Variants in TMEM132D observed in about 807,000 individuals in gnomAD.
TMEM132D encodes the protein mature OL transmembrane protein.
TMEM132D carries 21 observed loss-of-function variants against 62.3 expected under a neutral mutation model. The ratio of observed to expected loss-of-function variants is 0.34; its 90% CI spans 0.24 to 0.49. TMEM132D has a LOEUF of 0.49. TMEM132D is among the 20% of genes least tolerant of loss of function. The pLI is 0.99. For missense variants in TMEM132D, 1,346 were observed against 1,402.8 expected (o/e 0.96, Z 0.65); for synonymous variants, 621 against 575.6 (o/e 1.08, Z -1.13).
chr12:129,561,899 A>G (rs1042082054), intron 2 of TMEM132D, among the ~76,000 whole-genome samples: 1 of 152,210 alleles, frequency 6.6e-6, no homozygotes, highest in Non-Finnish European at 1.5e-5. Context: ...TGTGAGTTAG[A>G]GTCAGACTCT....
intron 4 of TMEM132D, among the ~76,000 whole-genome samples, chr12:129,258,358 C>T (rs1341341438): frequency 1.3e-5 from 2 of 152,020 alleles, no homozygotes; most frequent in African/African-American, 4.8e-5. Flanking sequence ...GAGCATCAAG[C>T]ACACATATTT....
chr12:129,463,708 A>G (rs1418948773), intron 3 of TMEM132D, among the ~76,000 whole-genome samples: 6 of 150,882 alleles, frequency 4.0e-5, no homozygotes, highest in African/African-American at 4.9e-5. Flanking sequence ...CCCACCTATG[A>G]GTGAGAACAT....
rs576535592 is a variant in TMEM132D at position 129,526,419 on chromosome 12, G to C, written c.1115+4640C>G. 3.6e-4 allele frequency among the ~76,000 whole-genome samples: 55 copies of C among 152,188 alleles called. 1 individual carries two copies. Among genetic ancestry groups the C allele is most frequent in the Middle Eastern group, 3.4e-3 (1 of 294 alleles). On this transcript the variant is annotated intron_variant, in intron 3 of 8. Coordinates refer to ENST00000422113, the MANE Select transcript of TMEM132D (RefSeq NM_133448.3). ...CCTGCCTCAGCCTCCTGAGTAGCTGGGATTACAGGCATGCACCACCATGCC... is the reference window on the plus strand; with the variant it reads ...CCTGCCTCAGCCTCCTGAGTAGCTGCGATTACAGGCATGCACCACCATGCC...
At chr12:129,457,268 T>A (rs1873502446) in intron 3 of TMEM132D, among the ~76,000 whole-genome samples, 1 of 151,758 alleles carries the variant, frequency 6.6e-6, no homozygotes, top group Non-Finnish European at 1.5e-5. Flanking sequence ...ACATAAAAAA[T>A]GATGAGTTTA....
intron 5 of TMEM132D, among the ~76,000 whole-genome samples, chr12:129,156,965 T>C (rs1413166432): frequency 2.6e-5 from 4 of 152,152 alleles, no homozygotes; most frequent in Admixed American, 1.3e-4. Context: ...ACTCCTATGA[T>C]AACGAGCCCA....
intron 1 of TMEM132D, among the ~76,000 whole-genome samples, chr12:129,768,107 G>A (rs1186419833): frequency 2.6e-5 from 4 of 152,158 alleles, no homozygotes; most frequent in Non-Finnish European, 5.9e-5. Flanking sequence ...AATTGTGGGA[G>A]CTATAGTTCA....
At chr12:129,380,470 T>C (rs1279060707) in intron 3 of TMEM132D, among the ~76,000 whole-genome samples, 1 of 152,190 alleles carries the variant, frequency 6.6e-6, no homozygotes, top group Non-Finnish European at 1.5e-5. Context: ...TGTAACATCT[T>C]CTAGAATTCT....
At chr12:129,714,282 G>T (rs1413114931) in intron 1 of TMEM132D, among the ~76,000 whole-genome samples, 1 of 152,182 alleles carries the variant, frequency 6.6e-6, no homozygotes, top group African/African-American at 2.4e-5. Context: ...TCTGCCATAT[G>T]CCCTGGTTAG....
At chr12:129,173,735 G>A (rs1051064692) in intron 5 of TMEM132D, among the ~76,000 whole-genome samples, 1 of 152,122 alleles carries the variant, frequency 6.6e-6, no homozygotes, top group Non-Finnish European at 1.5e-5. Context: ...TGAACTGAGA[G>A]GTAATGCATG....
rs1028064322 is a variant in TMEM132D at position 129,532,378 on chromosome 12, A to T, written c.969-1173T>A. ...CTACATCTCAAAATCCCTCTCTGTC[A>T]TGCCAGAGGAGAAAGTGAGACCATC... On this transcript the variant is annotated intron_variant, in intron 2 of 8. Transcript: ENST00000422113. Among the ~76,000 whole-genome samples, 12 of 152,222 alleles carry T rather than the reference A, an allele frequency of 7.9e-5. 1 individual carries two copies. Among genetic ancestry groups the T allele is most frequent in the Admixed American group, 3.9e-4 (6 of 15,284 alleles).
chr12:129,377,835 A>G (rs1377721708), intron 3 of TMEM132D, among the ~76,000 whole-genome samples: 1 of 152,120 alleles, frequency 6.6e-6, no homozygotes, highest in Admixed American at 6.5e-5. Flanking sequence ...TTTCCCATCC[A>G]TATTTTCCTT....
intron 2 of TMEM132D, among the ~76,000 whole-genome samples, chr12:129,545,524 T>G (rs757906373): frequency 1.3e-5 from 2 of 152,216 alleles, no homozygotes; most frequent in African/African-American, 2.4e-5. Context: ...AGTAGAGTAT[T>G]GCTGACTATA....
At chr12:129,278,167 G>A (rs931474156) in intron 4 of TMEM132D, among the ~76,000 whole-genome samples, 2 of 152,124 alleles carry the variant, frequency 1.3e-5, no homozygotes, top group Non-Finnish European at 2.9e-5. Flanking sequence ...CATTGATTTG[G>A]GTGTTCCCTG....
chr12:129,358,263 G>A (rs1221270572), intron 3 of TMEM132D, among the ~76,000 whole-genome samples: 7 of 151,768 alleles, frequency 4.6e-5, no homozygotes, highest in African/African-American at 1.2e-4. Context: ...TATTTTCCTC[G>A]TTCATTCAAT....
At chr12:129,786,123 G>A (rs1271618497) in intron 1 of TMEM132D, among the ~76,000 whole-genome samples, 1 of 152,086 alleles carries the variant, frequency 6.6e-6, no homozygotes, top group African/African-American at 2.4e-5. Context: ...CCCAGGCCTG[G>A]GCTATGTCCA....
At chr12:129,766,898 C>A (rs1203657383) in intron 1 of TMEM132D, among the ~76,000 whole-genome samples, 1 of 152,164 alleles carries the variant, frequency 6.6e-6, no homozygotes, top group Non-Finnish European at 1.5e-5. Flanking sequence ...TTTAGTATTG[C>A]CATGGCAACA....
At chr12:129,846,119 G>C (rs749264834) in intron 1 of TMEM132D, among the ~76,000 whole-genome samples, 1 of 152,042 alleles carries the variant, frequency 6.6e-6, no homozygotes, top group Non-Finnish European at 1.5e-5. Context: ...CTTCAATCTG[G>C]TCCACAGCCC....
intron 3 of TMEM132D, among the ~76,000 whole-genome samples, chr12:129,509,848 C>A (rs879903238): frequency 6.6e-6 from 1 of 152,154 alleles, no homozygotes; most frequent in African/African-American, 2.4e-5. Flanking sequence ...ATATGTACCT[C>A]ATTTCCTTTA....
intron 5 of TMEM132D, among the ~76,000 whole-genome samples, chr12:129,088,397 C>CG (rs1287777761): frequency 2.5e-5 from 1 of 39,688 alleles, no homozygotes; most frequent in African/African-American, 1.7e-4. Flanking sequence ...CCTCTATGAC[C>CG]GGGTGTCCTC....
Sources: allele counts gnomAD v4.1 joint callset (sites outside exome capture counted in the v4.1 genomes callset), GRCh38; gene constraint gnomAD v4.1.1; transcripts MANE v1.5; gene names NCBI Gene and HGNC (gene_info 2026-07-23, HGNC 2026-07-21).